Variants in ESF1 observed in about 807,000 individuals in gnomAD.
ESF1 encodes the protein ESF1 homolog.
Under a neutral mutation model 92.0 loss-of-function variants are expected in ESF1, and 58 were observed. The observed-to-expected ratio is 0.63, with a 90% CI of 0.51 to 0.78. ESF1 has a LOEUF of 0.78. ESF1 is among the 30% of genes least tolerant of loss of function. The pLI is 0.00. For missense variants in ESF1, 922 were observed against 989.1 expected (o/e 0.93, Z 0.91); for synonymous variants, 321 against 313.7 (o/e 1.02, Z -0.24).
intron 9 of ESF1, among the ~76,000 whole-genome samples, chr20:13,755,608 C>T (rs912251290): frequency 1.2e-4 from 18 of 152,170 alleles, no homozygotes; most frequent in African/African-American, 4.3e-4. Flanking sequence ...ACTTCACATA[C>T]ATCAAAATAA....
chr20:13,784,463 A>C (rs1396350625), intron 1 of ESF1, among the ~76,000 whole-genome samples: 1 of 152,198 alleles, frequency 6.6e-6, no homozygotes, highest in Admixed American at 6.5e-5. Flanking sequence ...AACCAGGAGA[A>C]GTACTGCATG....
chr20:13,779,906 T>C (rs569146448), intron 2 of ESF1, among the ~76,000 whole-genome samples: 2 of 152,306 alleles, frequency 1.3e-5, no homozygotes, highest in South Asian at 2.1e-4. Flanking sequence ...TTATGTAAAA[T>C]AGATTCTGAG....
At chr20:13,755,431 T>C (rs1477335635) in intron 9 of ESF1, among the ~76,000 whole-genome samples, 4 of 152,230 alleles carry the variant, frequency 2.6e-5, no homozygotes, top group African/African-American at 9.6e-5. Flanking sequence ...GGGGAAGTTA[T>C]ATAAAGAGTT....
At chr20:13,733,028 C>T (rs903229924) in intron 10 of ESF1, among the ~76,000 whole-genome samples, 2 of 151,996 alleles carry the variant, frequency 1.3e-5, no homozygotes, top group Non-Finnish European at 2.9e-5. Flanking sequence ...TGGGTTCAAG[C>T]GATTCTCCTA....
At chr20:13,784,669 G>T (rs7273508) in intron 1 of ESF1, among the ~76,000 whole-genome samples, 1,826 of 152,186 alleles carry the variant, frequency 0.012, 44 homozygotes, top group African/African-American at 0.042. Context: ...ACCGCAGGGG[G>T]GCAGCTAACA....
At chr20:13,744,281 G>A (rs6042331) in intron 9 of ESF1, among the ~76,000 whole-genome samples, 23,345 of 152,202 alleles carry the variant, frequency 0.15, 2,261 homozygotes, top group East Asian at 0.42. Flanking sequence ...ACCAGGAAGA[G>A]ACACCTGTAA....
intron 2 of ESF1, among the ~76,000 whole-genome samples, chr20:13,778,569 C>T (rs889478339): frequency 6.6e-6 from 1 of 152,014 alleles, no homozygotes. Flanking sequence ...GATGTTGACA[C>T]AGTACATAAC....
At position 13,776,245 on chromosome 20, in the gene ESF1, G is replaced by C. The variant is rs765349221; in HGVS notation, c.663C>G (p.Asp221Glu). The change falls in exon 3 of 14, where the codon GAC becomes GAG. Residue 221 changes from aspartate (D) to glutamate (E), a missense_variant. Physicochemically the swap from Asp to Glu is conservative, Grantham distance 45. Transcript: ENST00000617257. ...QSVVQLIMTR[D>E]SDGYENSTDG... is the part of the protein sequence containing the mutation. Reference sequence around the variant, plus strand: ...CTGTTGAGTTTTCATAACCATCACTGTCTCTTGTCATTATGAGTTGAACCA... The same window carrying C: ...CTGTTGAGTTTTCATAACCATCACTCTCTCTTGTCATTATGAGTTGAACCA... 6 of 1,612,878 alleles carry C rather than the reference G, an allele frequency of 3.7e-6. No individual in the cohort carries two copies. The African/African-American group carries it at 8.0e-5, about 22-fold the overall frequency.
intron 2 of ESF1, among the ~76,000 whole-genome samples, chr20:13,779,787 G>A (rs964231967): frequency 1.3e-5 from 2 of 152,064 alleles, no homozygotes; most frequent in East Asian, 1.9e-4. Flanking sequence ...CACCCGCCTC[G>A]GTCTCCCAAA....
At chr20:13,731,525 C>G in intron 10 of ESF1, among the ~76,000 whole-genome samples, 1 of 85,358 alleles carries the variant, frequency 1.2e-5, no homozygotes, top group Non-Finnish European at 2.2e-5. Flanking sequence ...GAGCGAGACT[C>G]GGTCTCAAAA....
chr20:13,772,844 A>C (rs1979754116), intron 4 of ESF1, among the ~76,000 whole-genome samples: 1 of 152,162 alleles, frequency 6.6e-6, no homozygotes, highest in African/African-American at 2.4e-5. Context: ...AACAAAAATA[A>C]GAGTATCTCC....
At chr20:13,722,951 G>A (rs773293514) in intron 11 of ESF1, among the ~76,000 whole-genome samples, 28 of 152,034 alleles carry the variant, frequency 1.8e-4, no homozygotes, top group Non-Finnish European at 7.4e-5. Context: ...CAGAGACTCC[G>A]AGTCAGATAT....
chr20:13,771,595 C>A, intron 5 of ESF1, 112 bp from the exon 6 acceptor site: 1 of 796,746 alleles, frequency 1.3e-6, no homozygotes. Context: ...GCCTTCATAC[C>A]AAACCATCTT....
At chr20:13,742,766 A>G (rs1038970589) in intron 9 of ESF1, among the ~76,000 whole-genome samples, 1 of 152,196 alleles carries the variant, frequency 6.6e-6, no homozygotes, top group Non-Finnish European at 1.5e-5. Context: ...AGTATCCCAA[A>G]CACACCCACA....
At chr20:13,725,142 C>T (rs928143060) in intron 11 of ESF1, among the ~76,000 whole-genome samples, 3 of 152,216 alleles carry the variant, frequency 2.0e-5, no homozygotes, top group Admixed American at 6.5e-5. Flanking sequence ...CCTGTTTCTA[C>T]GTCCCTACCC....
intron 9 of ESF1, among the ~76,000 whole-genome samples, chr20:13,758,695 G>C (rs1979014455): frequency 6.6e-6 from 1 of 152,072 alleles, no homozygotes; most frequent in Admixed American, 6.5e-5. Context: ...GACTAATATA[G>C]GCTAAAGAAC....
intron 11 of ESF1, among the ~76,000 whole-genome samples, chr20:13,724,792 G>C (rs2049890380): frequency 6.6e-6 from 1 of 151,994 alleles, no homozygotes; most frequent in Admixed American, 6.6e-5. Flanking sequence ...GGGAGGACTG[G>C]GTGATTCTGA....
Position 13,715,120 on chromosome 20 carries a change from C to A in ESF1, c.2310G>T (p.Leu770Phe). 6.2e-7 allele frequency: 1 copy of A among 1,611,694 alleles called. No individual in the cohort carries two copies. The highest frequency in any genetic ancestry group is 8.5e-7 in the Non-Finnish European group (1 of 1,179,538). ...ARFQAMYTSH[L>F]FNLDPSDPNF... ...TGGGATCTGAGGGGTCCAAATTGAACAAGTGGGAAGTGTACATTGCCTGAA... is the reference window on the plus strand; with the variant it reads ...TGGGATCTGAGGGGTCCAAATTGAAAAAGTGGGAAGTGTACATTGCCTGAA... Residue 770 changes from leucine (L) to phenylalanine (F), a missense_variant, in exon 14 of 14, where the codon TTG (leucine) becomes TTT (phenylalanine). Transcript: ENST00000617257.
Position 13,771,499 on chromosome 20 carries a change from CTTA to C in ESF1, c.1251-19_1251-17del. 1.2e-6 allele frequency: 2 copies of C among 1,603,222 alleles called. No individual in the cohort carries two copies. Among genetic ancestry groups the C allele is most frequent in the African/African-American group, 2.7e-5 (2 of 74,542 alleles). Reference sequence around the variant, plus strand: ...TCTAGACGTCCTAAAGTGGGAAAAACTTATTAAGCATACTTATACAGAAACACA... The same window carrying C: ...TCTAGACGTCCTAAAGTGGGAAAAACTTAAGCATACTTATACAGAAACACA... On this transcript the variant is annotated splice_polypyrimidine_tract_variant and intron_variant, in intron 5 of 13. Coordinates refer to ENST00000617257, the MANE Select transcript of ESF1 (RefSeq NM_001276380.2).
Sources: allele counts gnomAD v4.1 joint callset (sites outside exome capture counted in the v4.1 genomes callset), GRCh38; gene constraint gnomAD v4.1.1; transcripts MANE v1.5; gene names NCBI Gene and HGNC (gene_info 2026-07-23, HGNC 2026-07-21).